The following SMAD3 variants were observed in gnomAD, a reference collection of about 807,000 sequenced individuals.
SMAD3 encodes the protein MAD homolog 3.
In SMAD3, 12 loss-of-function variants were observed where a neutral mutation model predicts 51.8. The ratio of observed to expected loss-of-function variants is 0.23; its 90% CI spans 0.15 to 0.38. SMAD3 has a LOEUF of 0.38. SMAD3 is among the 10% of genes least tolerant of loss of function. SMAD3 has a pLI of 1.00. For missense variants in SMAD3, 294 were observed against 565.6 expected, an observed-to-expected ratio of 0.52 and a Z score of 4.87; for synonymous variants, 238 against 227.7, an observed-to-expected ratio of 1.05 and a Z score of -0.41.
At chr15:67,095,062 G>T (rs1211674846) in intron 1 of SMAD3, among the ~76,000 whole-genome samples, 2 of 152,104 alleles carry the variant, frequency 1.3e-5, no homozygotes, top group African/African-American at 4.8e-5. Context: ...GCATTGCTTA[G>T]TGTTTACCAC....
In SMAD3 at chr15:67,190,594, G is replaced by A. The variant is rs1369192062; in HGVS notation, c.*58G>A. On this transcript the variant is annotated 3_prime_UTR_variant, in exon 9 of 9. Transcript: ENST00000327367. ...GGGGAAAATGGCCATGCAGGAGGTG[G>A]AGAAAATTGGAACTCTACTCAACCC... The A allele has an allele frequency of 6.4e-7, 1 of 1,568,616 alleles. No homozygotes were observed. The highest frequency in any genetic ancestry group is 1.4e-5 in the African/African-American group (1 of 74,050).
At chr15:67,168,156 T>C (rs1054619219) in intron 4 of SMAD3, among the ~76,000 whole-genome samples, 2 of 152,224 alleles carry the variant, frequency 1.3e-5, no homozygotes, top group Non-Finnish European at 2.9e-5. Flanking sequence ...GGTTTCGCCA[T>C]GTTGGCTAGG....
intron 4 of SMAD3, among the ~76,000 whole-genome samples, chr15:67,168,083 A>G (rs1335231343): frequency 1.3e-5 from 2 of 152,154 alleles, no homozygotes; most frequent in Non-Finnish European, 2.9e-5. Context: ...CCTCCCAAGT[A>G]GCTGGGATTA....
chr15:67,192,197 G>C lies in SMAD3; in HGVS notation c.*1661G>C, dbSNP rs1263110510. On this transcript the variant is annotated 3_prime_UTR_variant, in exon 9 of 9. Coordinates refer to ENST00000327367, the MANE Select transcript of SMAD3 (RefSeq NM_005902.4). ...AAATGTGATGAGATTTCTGATGTTA[G>C]AGGGAGATGGAGAGGCTTCCTGATG... 4.3e-6 allele frequency: 1 copy of C among 232,958 alleles called. No individual in the cohort carries two copies. The highest frequency in any genetic ancestry group is 8.5e-6 in the Non-Finnish European group (1 of 117,608). 14.4% of individuals were successfully genotyped at this position (232,958 alleles called of 1,614,324 possible).
intron 1 of SMAD3, among the ~76,000 whole-genome samples, chr15:67,115,533 A>G (rs926493322): frequency 5.9e-5 from 9 of 152,028 alleles, no homozygotes; most frequent in African/African-American, 2.2e-4. Flanking sequence ...AGAATCCAAC[A>G]AGAAAAAGGC....
At chr15:67,118,916 G>C (rs1370041973) in intron 1 of SMAD3, among the ~76,000 whole-genome samples, 6 of 152,210 alleles carry the variant, frequency 3.9e-5, no homozygotes, top group Admixed American at 6.5e-5. Flanking sequence ...TCATGCACAA[G>C]CAGGTGCTTG....
chr15:67,080,819 A>C (rs1371021390), intron 1 of SMAD3, among the ~76,000 whole-genome samples: 1 of 152,186 alleles, frequency 6.6e-6, no homozygotes, highest in East Asian at 1.9e-4. Context: ...TGCAGAGAAC[A>C]TGTAAGGGCT....
At chr15:67,077,661 G>C (rs1960200030) in intron 1 of SMAD3, among the ~76,000 whole-genome samples, 1 of 152,180 alleles carries the variant, frequency 6.6e-6, no homozygotes, top group African/African-American at 2.4e-5. Context: ...TCTATTTCTG[G>C]AGGTATCAGA....
At chr15:67,089,828 T>G (rs1408990347) in intron 1 of SMAD3, among the ~76,000 whole-genome samples, 1 of 152,218 alleles carries the variant, frequency 6.6e-6, no homozygotes, top group East Asian at 1.9e-4. Context: ...TTGGAGAGGC[T>G]GAGGGACTTG....
chr15:67,186,718 G>A, intron 7 of SMAD3: 1 of 190,726 alleles, frequency 5.2e-6, no homozygotes, highest in Admixed American at 5.5e-5. Flanking sequence ...AGCTGTGAAT[G>A]TCACCTCCAC....
intron 1 of SMAD3, chr15:67,138,399 G>A (rs946179143): frequency 3.3e-5 from 13 of 398,208 alleles, no homozygotes; most frequent in Non-Finnish European, 5.2e-5. Flanking sequence ...GTGGATTTGC[G>A]GAAGAGGGTT....
chr15:67,148,364 A>G (rs1328354611), intron 1 of SMAD3, among the ~76,000 whole-genome samples: 1 of 152,230 alleles, frequency 6.6e-6, no homozygotes, highest in Non-Finnish European at 1.5e-5. Context: ...TGTGGGCCAT[A>G]TATCTGTGTG....
rs1963457858 is a variant in SMAD3 at position 67,194,687 on chromosome 15, G to A, written c.*4151G>A. On this transcript the variant is annotated 3_prime_UTR_variant, in exon 9 of 9. Transcript: ENST00000327367. Reference sequence around the variant, plus strand: ...CCAGTTCTGAATGTTGGTGGAGGGTGTAGTGGCTTTTTGGCTCAGCATCCA... The same window carrying A: ...CCAGTTCTGAATGTTGGTGGAGGGTATAGTGGCTTTTTGGCTCAGCATCCA... 3 of 232,150 alleles carry A rather than the reference G, an allele frequency of 1.3e-5. No homozygotes were observed. Among genetic ancestry groups the A allele is most frequent in the East Asian group, 1.2e-4 (2 of 16,482 alleles). 14.4% of individuals were successfully genotyped at this position (232,150 alleles called of 1,614,324 possible).
chr15:67,102,045 T>C (rs1019303165), intron 1 of SMAD3, among the ~76,000 whole-genome samples: 8 of 152,150 alleles, frequency 5.3e-5, no homozygotes, highest in African/African-American at 1.9e-4. Context: ...TTCCATCAAA[T>C]CGGATTATGA....
intron 4 of SMAD3, among the ~76,000 whole-genome samples, chr15:67,167,126 G>T (rs1036034169): frequency 6.6e-6 from 1 of 152,152 alleles, no homozygotes; most frequent in African/African-American, 2.4e-5. Context: ...CACACAGCAG[G>T]GCCACTTCAC....
chr15:67,077,580 T>C (rs1048156597), intron 1 of SMAD3, among the ~76,000 whole-genome samples: 5 of 152,222 alleles, frequency 3.3e-5, no homozygotes, highest in Admixed American at 1.3e-4. Context: ...ACCACAGTTA[T>C]GGTGGGCCTG....
rs182498994 is a variant in SMAD3, at chr15:67,096,553, A to T, written c.206+30193A>T. On this transcript the variant is annotated intron_variant, in intron 1 of 8. Transcript: ENST00000327367. The stretch of plus-strand genomic sequence containing the variant: ...GTTGCTTTACTTAGAATAATATTAA[A>T]TAGCAAATTAAAAATACCATGACAC... 4.2e-3 allele frequency among the ~76,000 whole-genome samples: 642 copies of T among 152,378 alleles called. 3 individuals carry two copies. The highest frequency in any genetic ancestry group is 0.013 in the African/African-American group (555 of 41,590).
rs547838110 is a variant in SMAD3 at position 67,097,392 on chromosome 15, TTTTTTTGTTGTTG to T, written c.206+31054_206+31066del. 4.1e-3 allele frequency among the ~76,000 whole-genome samples: 617 copies of T among 152,128 alleles called. 3 individuals carry two copies. Among genetic ancestry groups the T allele is most frequent in the Non-Finnish European group, 6.8e-3 (459 of 67,988 alleles). On this transcript the variant is annotated intron_variant, in intron 1 of 8. Transcript: ENST00000327367. ...CTCTATGCTGGGCTAATTTTCATGT[TTTTTTTGTTGTTG>T]TTTTTTGTTGTTGTTTTTTGTAGAA...
At chr15:67,104,350 C>CACTAATCAATGT (rs1960831072) in intron 1 of SMAD3, among the ~76,000 whole-genome samples, 1 of 152,066 alleles carries the variant, frequency 6.6e-6, no homozygotes, top group South Asian at 2.1e-4. Context: ...CAGGTTTGAT[C>CACTAATCAATGT]GGGGAAGAGA....
Sources: allele counts gnomAD v4.1 joint callset (sites outside exome capture counted in the v4.1 genomes callset), GRCh38; gene constraint gnomAD v4.1.1; transcripts MANE v1.5; gene names NCBI Gene and HGNC (gene_info 2026-07-23, HGNC 2026-07-21).